SGCD: variants seen among roughly 807,000 people sequenced by gnomAD.
SGCD encodes the protein sarcoglycan delta, also known as delta-sarcoglycan.
A neutral mutation model predicts 36.6 loss-of-function variants in SGCD; 18 were observed. The ratio of observed to expected loss-of-function variants is 0.49; its 90% confidence interval spans 0.34 to 0.73. SGCD has a LOEUF of 0.73. SGCD is among the 30% of genes least tolerant of loss of function. SGCD has a pLI of 0.01. For missense variants in SGCD, 387 were observed against 346.7 expected, an observed-to-expected ratio of 1.12 and a Z score of -0.92; for synonymous variants, 133 against 130.6, an observed-to-expected ratio of 1.02 and a Z score of -0.12.
chr5:156,324,785 T>C (rs1030135269), upstream of SGCD, among the ~76,000 whole-genome samples: 1 of 152,040 alleles, frequency 6.6e-6, no homozygotes, highest in Non-Finnish European at 1.5e-5. Context: ...GCATAAAACG[T>C]GAATAATAAA....
chr5:155,943,208 A>G (rs1422375590), intron 1 of SGCD, among the ~76,000 whole-genome samples: 7 of 152,240 alleles, frequency 4.6e-5, no homozygotes, highest in African/African-American at 1.7e-4. Context: ...CCTTAAATAA[A>G]TTACTATGAG....
intron 3 of SGCD, among the ~76,000 whole-genome samples, chr5:156,460,986 A>G (rs746542438): frequency 1.3e-5 from 2 of 152,164 alleles, no homozygotes; most frequent in Non-Finnish European, 2.9e-5. Flanking sequence ...GTAAATATAG[A>G]CAGATATAGT....
At chr5:155,733,769 C>T in the SGCD span, among the ~76,000 whole-genome samples, 3 of 152,130 alleles carry the variant, frequency 2.0e-5, no homozygotes, top group South Asian at 6.2e-4. Flanking sequence ...CAAGGCCTAC[C>T]CTCACCTGCC....
Position 156,053,680 on chromosome 5 carries a change from C to T in SGCD, c.-281-64198C>T, listed in dbSNP as rs748094487. Among the ~76,000 whole-genome samples the T allele has an allele frequency of 2.7e-5, 4 of 145,892 alleles. 1 individual carries two copies. The highest frequency in any genetic ancestry group is 6.2e-5 in the Non-Finnish European group (4 of 64,780). ...TAAGCACCTTGGCAAATGTTGGTAC[C>T]ACATAATGAAATAGAGAAGATGGAA... is the stretch of plus-strand genomic sequence containing the variant. On this transcript the variant is annotated intron_variant, in intron 1 of 9. Transcript: ENST00000517913.
At chr5:155,818,898 C>T in the SGCD span, among the ~76,000 whole-genome samples, 2 of 152,106 alleles carry the variant, frequency 1.3e-5, no homozygotes, top group East Asian at 1.9e-4. Context: ...TTGACATAAA[C>T]TTTCAAGTAA....
intron 3 of SGCD, among the ~76,000 whole-genome samples, chr5:156,287,666 TGTGTATGG>T (rs879819965): frequency 3.2e-4 from 48 of 151,994 alleles, no homozygotes; most frequent in Middle Eastern, 3.4e-3. Context: ...TGTGTGTATG[TGTGTATGG>T]GTACATGCAC....
At chr5:155,733,893 T>C in the SGCD span, among the ~76,000 whole-genome samples, 190 of 152,144 alleles carry the variant, frequency 1.2e-3, no homozygotes, top group Admixed American at 2.6e-3. Context: ...CCTTGATGAA[T>C]GATTGAAGTG....
At chr5:155,887,185 A>G (rs1267880178) in intron 1 of SGCD, among the ~76,000 whole-genome samples, 2 of 152,210 alleles carry the variant, frequency 1.3e-5, no homozygotes, top group Admixed American at 6.5e-5. Context: ...AAGAAGTTGC[A>G]TGGAAATCAA....
chr5:156,565,267 G>T (rs1335721094), intron 4 of SGCD, among the ~76,000 whole-genome samples: 3 of 152,154 alleles, frequency 2.0e-5, no homozygotes, highest in African/African-American at 7.2e-5. Context: ...GTAAGTAATA[G>T]ATTTCTTGAA....
chr5:156,644,390 T>C (rs1344357266), intron 6 of SGCD, among the ~76,000 whole-genome samples: 1 of 152,136 alleles, frequency 6.6e-6, no homozygotes, highest in Admixed American at 6.6e-5. Flanking sequence ...CAGGTCAGTC[T>C]TTGGAGTTTT....
the SGCD span, among the ~76,000 whole-genome samples, chr5:155,804,221 A>G: frequency 6.6e-6 from 1 of 152,222 alleles, no homozygotes; most frequent in Non-Finnish European, 1.5e-5. Context: ...TCTTCAAAGC[A>G]TACACACATT....
At chr5:155,763,119 CTT>C in the SGCD span, among the ~76,000 whole-genome samples, 6 of 152,144 alleles carry the variant, frequency 3.9e-5, no homozygotes, top group African/African-American at 1.4e-4. Context: ...ATTGAACTCT[CTT>C]GTTATTGGGA....
intron 7 of SGCD, among the ~76,000 whole-genome samples, chr5:156,686,407 A>C (rs1420688664): frequency 6.6e-6 from 1 of 152,116 alleles, no homozygotes; most frequent in Non-Finnish European, 1.5e-5. Flanking sequence ...CTGTTCTCCT[A>C]CCTTTTTCCT....
chr5:156,118,181 T>C (rs1761948840), intron 2 of SGCD, among the ~76,000 whole-genome samples: 1 of 152,046 alleles, frequency 6.6e-6, no homozygotes, highest in Non-Finnish European at 1.5e-5. Flanking sequence ...CTGTCTAGAT[T>C]TGAGGCTGTG....
chr5:155,817,172 A>G, the SGCD span, among the ~76,000 whole-genome samples: 1 of 152,204 alleles, frequency 6.6e-6, no homozygotes, highest in Non-Finnish European at 1.5e-5. Flanking sequence ...TTAATATTGC[A>G]TATTTAGATT....
chr5:156,329,942 G>A (rs60426853), intron 2 of SGCD, among the ~76,000 whole-genome samples: 6,082 of 146,410 alleles, frequency 0.042, 405 homozygotes, highest in African/African-American at 0.15. Context: ...GCGTGAACCC[G>A]GAAGGTGGAG....
the SGCD span, among the ~76,000 whole-genome samples, chr5:155,749,133 T>C: frequency 3.5e-3 from 536 of 152,336 alleles, 2 homozygotes; most frequent in Middle Eastern, 6.8e-3. Flanking sequence ...GTTACTGTCA[T>C]TGTTAATATT....
chr5:155,872,116 A>T (rs2113277001), intron 1 of SGCD, among the ~76,000 whole-genome samples: 1 of 152,270 alleles, frequency 6.6e-6, no homozygotes, highest in Non-Finnish European at 1.5e-5. Context: ...CCCAGCACCA[A>T]CAGCTTTGTG....
At chr5:156,059,110 A>T (rs1760137250) in intron 1 of SGCD, among the ~76,000 whole-genome samples, 1 of 123,150 alleles carries the variant, frequency 8.1e-6, no homozygotes, top group African/African-American at 4.3e-5. Context: ...TTTTTAAATA[A>T]AAAAAAAAAA....
Sources: allele counts gnomAD v4.1 joint callset (sites outside exome capture counted in the v4.1 genomes callset), GRCh38; gene constraint gnomAD v4.1.1; transcripts MANE v1.5; gene names NCBI Gene and HGNC (gene_info 2026-07-23, HGNC 2026-07-21).